Variants in MAPK10 observed in about 807,000 individuals in gnomAD.
MAPK10 encodes the protein JNK3 alpha protein kinase.
In MAPK10, 25 loss-of-function variants were observed where a neutral mutation model predicts 59.3. The observed-to-expected ratio is 0.42, with a 90% confidence interval of 0.31 to 0.59. MAPK10 has a LOEUF of 0.59. MAPK10 is among the 20% of genes least tolerant of loss of function. The pLI, the probability that MAPK10 is intolerant of heterozygous loss-of-function variation, is 0.15. For synonymous variants in MAPK10, 190 were observed against 200.5 expected (o/e 0.95, Z 0.44); for missense variants, 351 against 568.9 (o/e 0.62, Z 3.90).
intron 1 of MAPK10, among the ~76,000 whole-genome samples, chr4:86,430,608 T>C (rs1747909301): frequency 6.6e-6 from 1 of 152,136 alleles, no homozygotes; most frequent in African/African-American, 2.4e-5. Context: ...GAAAGGCATA[T>C]AATCTAAGGA....
At chr4:86,269,708 G>C (rs2094370987) in intron 2 of MAPK10, among the ~76,000 whole-genome samples, 1 of 151,994 alleles carries the variant, frequency 6.6e-6, no homozygotes, top group Non-Finnish European at 1.5e-5. Flanking sequence ...CACAAATGTA[G>C]CCCATTTAAA....
chr4:86,371,632 C>T (rs371337777), intron 1 of MAPK10, among the ~76,000 whole-genome samples: 1 of 152,142 alleles, frequency 6.6e-6, no homozygotes, highest in East Asian at 1.9e-4. Context: ...CAGCTCCCAG[C>T]GAGATCAATA....
At chr4:86,396,181 A>G (rs1742906960) in intron 1 of MAPK10, among the ~76,000 whole-genome samples, 1 of 152,152 alleles carries the variant, frequency 6.6e-6, no homozygotes, top group African/African-American at 2.4e-5. Context: ...GCCCGTCTCT[A>G]CTAAAAATAC....
intron 4 of MAPK10, chr4:86,120,236 T>G (rs1402434571): frequency 1.3e-5 from 2 of 152,226 alleles, no homozygotes; most frequent in African/African-American, 4.8e-5. Context: ...TGACCAAGCC[T>G]AATTATAGAG....
Position 86,074,896 on chromosome 4 carries a change from A to G in MAPK10, c.803-6941T>C, listed in dbSNP as rs1358622321. Among the ~76,000 whole-genome samples the G allele has an allele frequency of 3.1e-5, 4 of 130,858 alleles. No individual in the cohort carries two copies. The East Asian group carries it at 8.4e-4, about 27-fold the overall frequency. The allele number at this position is 130,858 out of a possible 152,430, so 85.8% of individuals were successfully genotyped here. ...CTTGGAGTTGCTCTTCTCGAGGAGTATCTTTGTGGCGTTCTCTGTATTTCC... is the reference window on the plus strand; with the variant it reads ...CTTGGAGTTGCTCTTCTCGAGGAGTGTCTTTGTGGCGTTCTCTGTATTTCC... On this transcript the variant is annotated intron_variant, in intron 9 of 13. Coordinates refer to ENST00000641462, the MANE Select transcript of MAPK10 (RefSeq NM_138982.4).
intron 1 of MAPK10, among the ~76,000 whole-genome samples, chr4:86,509,286 G>A (rs1306207936): frequency 1.3e-5 from 2 of 152,018 alleles, no homozygotes; most frequent in Non-Finnish European, 2.9e-5. Context: ...TTAGGGTGAT[G>A]AAACAGTTAA....
chr4:86,473,453 G>A (rs1752817013), intron 1 of MAPK10, among the ~76,000 whole-genome samples: 1 of 152,100 alleles, frequency 6.6e-6, no homozygotes, highest in Admixed American at 6.5e-5. Flanking sequence ...AAAAAATTCT[G>A]GGAACTAAAG....
At chr4:86,227,693 G>A (rs2090897223) in intron 2 of MAPK10, among the ~76,000 whole-genome samples, 1 of 152,034 alleles carries the variant, frequency 6.6e-6, no homozygotes, top group Admixed American at 6.6e-5. Context: ...AAAATATGTA[G>A]CCTAAAACAA....
intron 1 of MAPK10, among the ~76,000 whole-genome samples, chr4:86,390,581 C>G (rs1238761573): frequency 2.0e-5 from 3 of 152,108 alleles, no homozygotes; most frequent in Non-Finnish European, 4.4e-5. Flanking sequence ...TCTGAGAAAG[C>G]TAAAGGAGCT....
chr4:86,171,277 A>G (rs1365017322), intron 3 of MAPK10, among the ~76,000 whole-genome samples: 1 of 152,164 alleles, frequency 6.6e-6, no homozygotes, highest in Non-Finnish European at 1.5e-5. Flanking sequence ...AAAATTAATG[A>G]ACCTAGGAGC....
intron 2 of MAPK10, chr4:86,327,340 C>T (rs2148905027): frequency 6.6e-6 from 1 of 152,108 alleles, no homozygotes; most frequent in East Asian, 1.9e-4. Flanking sequence ...GTGAAGTTTA[C>T]CAAACAGGGA....
chr4:86,133,637 A>T (rs2061393298), intron 4 of MAPK10, among the ~76,000 whole-genome samples: 1 of 152,006 alleles, frequency 6.6e-6, no homozygotes, highest in Non-Finnish European at 1.5e-5. Flanking sequence ...ACTCTAAAAA[A>T]CTCTTTTTGT....
intron 1 of MAPK10, among the ~76,000 whole-genome samples, chr4:86,428,139 A>AC (rs1747543696): frequency 6.9e-6 from 1 of 145,660 alleles, no homozygotes; most frequent in African/African-American, 2.5e-5. Context: ...TTTCAAAGTT[A>AC]CTTTTTTTTT....
rs543139115 is a variant in MAPK10, at chr4:86,023,864, T to C, written c.1252+5333A>G. On this transcript the variant is annotated intron_variant, in intron 13 of 13. Coordinates refer to ENST00000641462, the MANE Select transcript of MAPK10 (RefSeq NM_138982.4). ...ATATATATATATAAAATGAATGTTG[T>C]AATTAACTAGAAAGCCAGTGGAACC... The C allele has an allele frequency of 1.6e-3, 207 of 129,460 alleles. 1 individual carries two copies. Among genetic ancestry groups the C allele is most frequent in the African/African-American group, 5.7e-3 (198 of 34,832 alleles). 8.0% of individuals were successfully genotyped at this position (129,460 alleles called of 1,614,324 possible).
intron 2 of MAPK10, among the ~76,000 whole-genome samples, chr4:86,325,741 T>C (rs2148901630): frequency 6.6e-6 from 1 of 152,338 alleles, no homozygotes; most frequent in African/African-American, 2.4e-5. Flanking sequence ...ACCATAATTA[T>C]TTCCTTAAAC....
At position 86,173,230 on chromosome 4, in the gene MAPK10, G is replaced by C. The variant is rs373056335; in HGVS notation, c.67-13763C>G. Among the ~76,000 whole-genome samples, 8 of 152,074 alleles carry C rather than the reference G, an allele frequency of 5.3e-5. No individual in the cohort carries two copies. In the East Asian group the frequency reaches 7.7e-4, roughly 15 times the overall value. On this transcript the variant is annotated intron_variant, in intron 3 of 13. Transcript: ENST00000641462. ...ACCTGACTTCAAACTATACTACAAG[G>C]CTGCAGTAATCTAAACAGTAGAATA...
At chr4:86,253,343 G>A (rs1236756335) in intron 2 of MAPK10, among the ~76,000 whole-genome samples, 2 of 104,150 alleles carry the variant, frequency 1.9e-5, no homozygotes, top group South Asian at 3.0e-4. Flanking sequence ...TTTGAAATAC[G>A]TCCCATCAAT....
intron 4 of MAPK10, among the ~76,000 whole-genome samples, chr4:86,140,540 G>A (rs1161051880): frequency 2.5e-5 from 3 of 117,730 alleles, no homozygotes; most frequent in African/African-American, 3.4e-5. Context: ...TTGTGGGGTG[G>A]GGGGAGGGGG....
intron 1 of MAPK10, among the ~76,000 whole-genome samples, chr4:86,439,427 C>A (rs1425925173): frequency 6.6e-6 from 1 of 152,122 alleles, no homozygotes; most frequent in Non-Finnish European, 1.5e-5. Context: ...TCAATAAGTT[C>A]ATTCCTTTTT....
Sources: gnomAD v4.1 joint callset for allele counts (sites outside exome capture counted in the v4.1 genomes callset) on GRCh38, gnomAD v4.1.1 for gene constraint, MANE v1.5 for transcripts, NCBI Gene and HGNC (gene_info 2026-07-23, HGNC 2026-07-21) for gene names.